The following EFNA5 variants were observed in gnomAD, a reference collection of about 807,000 sequenced individuals.
The protein encoded by EFNA5 is ephrin-A5.
EFNA5 carries 5 observed loss-of-function variants against 22.9 expected under a neutral mutation model. That is an observed-to-expected ratio of 0.22 (90% CI 0.11 to 0.46). The LOEUF (loss-of-function observed/expected upper bound fraction) is 0.46, where lower values mean the gene tolerates loss of function less well. Ranked by LOEUF, EFNA5 falls within the 20% of genes least tolerant of loss-of-function variation. EFNA5 has a pLI of 0.99. For synonymous variants in EFNA5, 113 were observed against 112.2 expected (o/e 1.01, Z -0.04); for missense variants, 237 against 293.3 (o/e 0.81, Z 1.40).
chr5:107,534,479 G>A (rs1317795726), intron 1 of EFNA5, among the ~76,000 whole-genome samples: 1 of 152,198 alleles, frequency 6.6e-6, no homozygotes, highest in African/African-American at 2.4e-5. Context: ...AATACTAGTT[G>A]TGGTTGCAAT....
At chr5:107,628,640 C>G (rs1750186693) in intron 1 of EFNA5, among the ~76,000 whole-genome samples, 1 of 151,962 alleles carries the variant, frequency 6.6e-6, no homozygotes, top group Non-Finnish European at 1.5e-5. Context: ...TAGATAAATA[C>G]TAAATATTAC....
chr5:107,384,728 C>G (rs969013243), intron 4 of EFNA5, among the ~76,000 whole-genome samples: 2 of 150,878 alleles, frequency 1.3e-5, no homozygotes, highest in Non-Finnish European at 2.9e-5. Flanking sequence ...CCTCCCACTT[C>G]AGTCTCCCAA....
chr5:107,380,631 G>A lies in EFNA5; in HGVS notation c.*624C>T. The A allele has an allele frequency of 1.0e-5, 4 of 385,058 alleles. No individual in the cohort carries two copies. Among genetic ancestry groups the A allele is most frequent in the Non-Finnish European group, 9.1e-6 (2 of 218,822 alleles). 23.9% of individuals were successfully genotyped at this position (385,058 alleles called of 1,614,324 possible). On this transcript the variant is annotated 3_prime_UTR_variant, in exon 5 of 5. Coordinates refer to ENST00000333274, the MANE Select transcript of EFNA5 (RefSeq NM_001962.3). ...GAGCACAAGTTTTGCTGTCAAGAAT[G>A]CTTTAAGACAGTCATATTAAAAAAA...
chr5:107,408,413 C>A (rs1458351771), intron 2 of EFNA5, among the ~76,000 whole-genome samples: 6 of 152,088 alleles, frequency 3.9e-5, no homozygotes, highest in African/African-American at 1.4e-4. Flanking sequence ...TTAGAACAGA[C>A]CACTTTTTAA....
In EFNA5 at chr5:107,380,681, A is replaced by G. The variant is rs1418086827; in HGVS notation, c.*574T>C. 1 of 397,788 alleles carries G rather than the reference A, an allele frequency of 2.5e-6. No individual in the cohort carries two copies. The highest frequency in any genetic ancestry group is 2.1e-5 in the African/African-American group (1 of 48,576). The allele number at this position is 397,788 out of a possible 1,614,324, so 24.6% of individuals were successfully genotyped here. A position where few individuals can be genotyped will look rare whatever the true frequency, so the allele number is the denominator to read the frequency against. On this transcript the variant is annotated 3_prime_UTR_variant, in exon 5 of 5. Coordinates refer to ENST00000333274, the MANE Select transcript of EFNA5 (RefSeq NM_001962.3). ...AAAAACCAGTGTCTCAACCTTTTAG[A>G]AGCCTGTTCATTTACATACTCCTAT... is the stretch of plus-strand genomic sequence containing the variant.
chr5:107,579,514 T>C (rs1317372783), intron 1 of EFNA5, among the ~76,000 whole-genome samples: 3 of 152,092 alleles, frequency 2.0e-5, no homozygotes, highest in Admixed American at 6.5e-5. Flanking sequence ...AAACATATAG[T>C]TGTGTGACCC....
rs566196855 is a variant in EFNA5, at chr5:107,435,706, A to T, written c.126-8197T>A. ...AGGTTCACAAGTTAAAAAAGTATTC[A>T]AGGATAAATTTCAAAGATTTTTCCT... On this transcript the variant is annotated intron_variant, in intron 1 of 4. Coordinates refer to ENST00000333274, the MANE Select transcript of EFNA5 (RefSeq NM_001962.3). 9.8e-5 allele frequency among the ~76,000 whole-genome samples: 15 copies of T among 152,374 alleles called. No individual in the cohort carries two copies. In the South Asian group the frequency reaches 2.5e-3, roughly 25 times the overall value.
At chr5:107,594,958 A>G (rs928140934) in intron 1 of EFNA5, among the ~76,000 whole-genome samples, 1 of 152,070 alleles carries the variant, frequency 6.6e-6, no homozygotes, top group Non-Finnish European at 1.5e-5. Flanking sequence ...ACTTTTTTTT[A>G]TTACTGTATC....
At chr5:107,470,215 A>C (rs976664865) in intron 1 of EFNA5, among the ~76,000 whole-genome samples, 2 of 152,136 alleles carry the variant, frequency 1.3e-5, no homozygotes, top group East Asian at 3.9e-4. Context: ...TTTTAGTCCC[A>C]AAAAATGGCA....
intron 1 of EFNA5, among the ~76,000 whole-genome samples, chr5:107,544,464 G>C (rs1748108991): frequency 6.6e-6 from 1 of 152,170 alleles, no homozygotes; most frequent in Admixed American, 6.5e-5. Context: ...GCTTCTTACA[G>C]ACCAGGAGCA....
intron 1 of EFNA5, among the ~76,000 whole-genome samples, chr5:107,455,091 A>G (rs1749661927): frequency 6.6e-6 from 1 of 152,194 alleles, no homozygotes; most frequent in Non-Finnish European, 1.5e-5. Context: ...TGTAACTGTC[A>G]GTCAGCTGAT....
At chr5:107,636,698 G>A (rs1182775526) in intron 1 of EFNA5, among the ~76,000 whole-genome samples, 1 of 152,110 alleles carries the variant, frequency 6.6e-6, no homozygotes, top group Non-Finnish European at 1.5e-5. Flanking sequence ...GAATACAGAT[G>A]GCATAAGCCA....
chr5:107,461,263 T>C (rs1186577088), intron 1 of EFNA5, among the ~76,000 whole-genome samples: 2 of 152,140 alleles, frequency 1.3e-5, no homozygotes, highest in East Asian at 1.9e-4. Flanking sequence ...AAAATATCCA[T>C]AATCACAACA....
At chr5:107,388,059 C>G (rs899960699) in intron 2 of EFNA5, among the ~76,000 whole-genome samples, 1 of 152,162 alleles carries the variant, frequency 6.6e-6, no homozygotes, top group Non-Finnish European at 1.5e-5. Flanking sequence ...AAAGTCTCTT[C>G]CATTTAACTT....
chr5:107,441,658 G>T (rs1749259964), intron 1 of EFNA5, among the ~76,000 whole-genome samples: 1 of 152,128 alleles, frequency 6.6e-6, no homozygotes, highest in South Asian at 2.1e-4. Flanking sequence ...AAAAGCTGAA[G>T]AAATATACTT....
chr5:107,460,364 T>C (rs145164706), intron 1 of EFNA5, among the ~76,000 whole-genome samples: 177 of 152,304 alleles, frequency 1.2e-3, no homozygotes, highest in African/African-American at 4.1e-3. Context: ...TATTATTGCC[T>C]GCTGACTATT....
At chr5:107,543,859 T>A (rs1039735942) in intron 1 of EFNA5, among the ~76,000 whole-genome samples, 1 of 152,204 alleles carries the variant, frequency 6.6e-6, no homozygotes, top group Non-Finnish European at 1.5e-5. Flanking sequence ...AAAATGGGAT[T>A]TCAAATACCG....
chr5:107,405,319 G>T (rs937154767), intron 2 of EFNA5, among the ~76,000 whole-genome samples: 2 of 152,116 alleles, frequency 1.3e-5, no homozygotes, highest in Non-Finnish European at 2.9e-5. Flanking sequence ...AATCAGAAAC[G>T]TCTGTTATCC....
At chr5:107,407,574 T>G (rs1488940004) in intron 2 of EFNA5, among the ~76,000 whole-genome samples, 1 of 152,142 alleles carries the variant, frequency 6.6e-6, no homozygotes, top group Non-Finnish European at 1.5e-5. Flanking sequence ...TCAAACTACC[T>G]AGGACAGAAC....
Sources: gnomAD v4.1 joint callset for allele counts (sites outside exome capture counted in the v4.1 genomes callset) on GRCh38, gnomAD v4.1.1 for gene constraint, MANE v1.5 for transcripts, NCBI Gene and HGNC (gene_info 2026-07-23, HGNC 2026-07-21) for gene names.